The following PPP1R12B variants were observed in gnomAD, a reference collection of about 807,000 sequenced individuals.
The protein encoded by PPP1R12B is myosin phosphatase target subunit 2.
PPP1R12B carries 76 observed loss-of-function variants against 126.1 expected under a neutral mutation model. That is an observed-to-expected ratio of 0.60 (90% CI 0.50 to 0.73). The LOEUF is 0.73. Ranked by LOEUF, PPP1R12B falls within the 30% of genes least tolerant of loss-of-function variation. The probability of loss-of-function intolerance (pLI) is 0.00; values close to 1 mark genes in which losing one functional copy is unlikely to be tolerated. For synonymous variants in PPP1R12B, 356 were observed against 434.7 expected, an observed-to-expected ratio of 0.82 and a Z score of 2.25; for missense variants, 1,052 against 1,205.1, an observed-to-expected ratio of 0.87 and a Z score of 1.88.
rs574576114 is a variant in PPP1R12B, at chr1:202,380,599, AC to A, written c.291+31465del. On this transcript the variant is annotated intron_variant, in intron 1 of 23. Transcript: ENST00000608999. ...AGCCCTGAAGCTTTATATTCTCAAC[AC>A]CCCCCCCATTCCTTGGCTCTGTCTT... 2.4e-3 allele frequency among the ~76,000 whole-genome samples: 357 copies of A among 150,112 alleles called. 1 individual carries two copies. Among genetic ancestry groups the A allele is most frequent in the African/African-American group, 8.0e-3 (326 of 40,712 alleles).
chr1:202,515,006 G>C (rs1374689532), intron 18 of PPP1R12B, among the ~76,000 whole-genome samples: 3 of 152,188 alleles, frequency 2.0e-5, no homozygotes, highest in African/African-American at 4.8e-5. Flanking sequence ...CAAGGATGGA[G>C]CTGGAAGCCA....
At chr1:202,534,789 T>C (rs1274112987) in intron 18 of PPP1R12B, among the ~76,000 whole-genome samples, 1 of 152,080 alleles carries the variant, frequency 6.6e-6, no homozygotes, top group East Asian at 1.9e-4. Flanking sequence ...AGGAGGAAGA[T>C]AGGTAGAGAT....
At chr1:202,477,546 A>G (rs1266435656) in intron 13 of PPP1R12B, among the ~76,000 whole-genome samples, 2 of 152,230 alleles carry the variant, frequency 1.3e-5, no homozygotes, top group Admixed American at 6.5e-5. Flanking sequence ...GATGTTTTGC[A>G]CAACTTCCTT....
At chr1:202,470,387 CT>C (rs1465782649) in intron 13 of PPP1R12B, among the ~76,000 whole-genome samples, 11 of 152,108 alleles carry the variant, frequency 7.2e-5, no homozygotes, top group African/African-American at 2.4e-4. Flanking sequence ...GTATATCTTA[CT>C]GTTTGGAACA....
Position 202,348,855 on chromosome 1 carries a change from G to A in PPP1R12B, c.4G>A (p.Ala2Thr), listed in dbSNP as rs569281387. M[A>T]ELEHLGGKRA... is the part of the protein sequence containing the mutation. ...AGCAGCTGCCGAGGCCGGAGCAATG[G>A]CGGAACTGGAGCACCTAGGAGGGAA... The change falls in exon 1 of 24, where the codon GCG (alanine) becomes ACG (threonine). Residue 2 changes from alanine to threonine, a missense_variant. Coordinates refer to ENST00000608999, the MANE Select transcript of PPP1R12B (RefSeq NM_002481.4). The A allele has an allele frequency of 4.4e-5, 71 of 1,607,604 alleles. No individual in the cohort carries two copies. In the South Asian group the frequency reaches 7.2e-4, roughly 16 times the overall value.
chr1:202,438,549 GC>G, intron 10 of PPP1R12B: 2 of 427,946 alleles, frequency 4.7e-6, no homozygotes, highest in Non-Finnish European at 8.9e-6. Flanking sequence ...GCATGGGACA[GC>G]CCCCGGTGGA....
chr1:202,585,886 G>C lies in PPP1R12B; in HGVS notation c.*5326G>C, dbSNP rs566921460. The C allele has an allele frequency of 6.6e-6, 1 of 152,234 alleles. No individual in the cohort carries two copies. Among genetic ancestry groups the C allele is most frequent in the Non-Finnish European group, 1.5e-5 (1 of 68,038 alleles). The allele number at this position is 152,234 out of a possible 1,614,324, so 9.4% of individuals were successfully genotyped here. A position where few individuals can be genotyped will look rare whatever the true frequency, so the allele number is the denominator to read the frequency against. On this transcript the variant is annotated 3_prime_UTR_variant, in exon 24 of 24. Coordinates refer to ENST00000608999, the MANE Select transcript of PPP1R12B (RefSeq NM_002481.4). ...TGTTTTAATAGGAAATAGACCTGCT[G>C]CTTCATAGGTTTCCTCAACCACCTT...
intron 1 of PPP1R12B, among the ~76,000 whole-genome samples, chr1:202,373,092 G>A (rs1447202589): frequency 6.6e-6 from 1 of 151,788 alleles, no homozygotes; most frequent in East Asian, 1.9e-4. Context: ...ACACCACCAC[G>A]CCTGGCTAAT....
At chr1:202,418,116 A>G (rs548717175) in intron 2 of PPP1R12B, among the ~76,000 whole-genome samples, 75 of 152,354 alleles carry the variant, frequency 4.9e-4, no homozygotes, top group Admixed American at 6.5e-4. Context: ...AGTAAAAGTC[A>G]GTAACCTCTT....
rs184599644 is a variant in PPP1R12B at position 202,440,543 on chromosome 1, C to G, written c.1459-163C>G. ...TTAATGGAAGAAAGTTAGGAATAAG[C>G]TTTTGAAAGCTAACCTTTTGTAAAT... On this transcript the variant is annotated intron_variant, in intron 10 of 23. Transcript: ENST00000608999. Among the ~76,000 whole-genome samples, 507 of 152,214 alleles carry G rather than the reference C, an allele frequency of 3.3e-3. 3 individuals are homozygous for G. Among genetic ancestry groups the G allele is most frequent in the Non-Finnish European group, 5.6e-3 (378 of 67,992 alleles).
At chr1:202,388,134 A>C (rs1210720134) in intron 1 of PPP1R12B, among the ~76,000 whole-genome samples, 2 of 151,146 alleles carry the variant, frequency 1.3e-5, no homozygotes, top group African/African-American at 4.9e-5. Context: ...AAAAAAAAAA[A>C]GAGAAAAAAT....
chr1:202,460,945 T>C (rs1248553156), intron 13 of PPP1R12B, among the ~76,000 whole-genome samples: 1 of 152,186 alleles, frequency 6.6e-6, no homozygotes, highest in Non-Finnish European at 1.5e-5. Context: ...TAATTTTTTT[T>C]CAGAATATGT....
chr1:202,501,733 C>A lies in PPP1R12B; in HGVS notation c.2490+4911C>A, dbSNP rs1370772527. 258 of 377,480 alleles carry A rather than the reference C, an allele frequency of 6.8e-4. 4 individuals are homozygous for A. The highest frequency in any genetic ancestry group is 1.1e-4 in the South Asian group (1 of 9,084). The allele number at this position is 377,480 out of a possible 1,614,324, so 23.4% of individuals were successfully genotyped here. A position where few individuals can be genotyped will look rare whatever the true frequency, so the allele number is the denominator to read the frequency against. ...TAAGAATTATTTGGGCATGACATCT[C>A]TGCTAGGTGAGCAACCTGTACCTTT... On this transcript the variant is annotated intron_variant, in intron 18 of 23. Transcript: ENST00000608999.
rs557552428 is a variant in PPP1R12B at position 202,392,909 on chromosome 1, A to T, written c.292-23878A>T. On this transcript the variant is annotated intron_variant, in intron 1 of 23. Transcript: ENST00000608999. ...TCACTTATCTATGACTATAATTTTT[A>T]AAAAAAGTACCTTTGAAATTATATA... Among the ~76,000 whole-genome samples, 62 of 152,106 alleles carry T rather than the reference A, an allele frequency of 4.1e-4. 1 individual carries two copies. Among genetic ancestry groups the T allele is most frequent in the East Asian group, 1.9e-3 (10 of 5,156 alleles).
intron 13 of PPP1R12B, among the ~76,000 whole-genome samples, chr1:202,475,683 T>C (rs1676543118): frequency 6.6e-6 from 1 of 152,156 alleles, no homozygotes. Context: ...ATCCGTAAAA[T>C]AGGAATACAT....
intron 8 of PPP1R12B, 47 bp from the exon 9 acceptor site, chr1:202,434,609 A>C: frequency 6.3e-7 from 1 of 1,576,952 alleles, no homozygotes; most frequent in Non-Finnish European, 8.6e-7. Context: ...ACACAAAGAT[A>C]AGATTTTTAT....
intron 13 of PPP1R12B, among the ~76,000 whole-genome samples, chr1:202,483,906 GTC>G (rs1677731512): frequency 6.6e-6 from 1 of 152,166 alleles, no homozygotes; most frequent in Non-Finnish European, 1.5e-5. Flanking sequence ...TTGACTTAAA[GTC>G]TGTTTTATCT....
chr1:202,481,850 A>G (rs1345269455), intron 13 of PPP1R12B, among the ~76,000 whole-genome samples: 1 of 152,090 alleles, frequency 6.6e-6, no homozygotes. Context: ...ATAACTTTGA[A>G]CCATAAACCA....
intron 23 of PPP1R12B, among the ~76,000 whole-genome samples, chr1:202,569,881 A>G (rs1688426752): frequency 6.6e-6 from 1 of 151,986 alleles, no homozygotes; most frequent in Non-Finnish European, 1.5e-5. Flanking sequence ...GGCAGTTTTG[A>G]GTGCTAAGAA....
Sources: gnomAD v4.1 joint callset for allele counts (sites outside exome capture counted in the v4.1 genomes callset) on GRCh38, gnomAD v4.1.1 for gene constraint, MANE v1.5 for transcripts, NCBI Gene and HGNC (gene_info 2026-07-23, HGNC 2026-07-21) for gene names.